SYT16: variants seen among roughly 807,000 people sequenced by gnomAD.
SYT16 encodes synaptotagmin-16.
A neutral mutation model predicts 61.4 loss-of-function variants in SYT16; 42 were observed. The ratio of observed to expected loss-of-function variants is 0.68; its 90% CI spans 0.53 to 0.89. SYT16 has a LOEUF of 0.89. SYT16 is among the 40% of genes least tolerant of loss of function. SYT16 has a pLI of 0.00. For synonymous variants in SYT16, 314 were observed against 302.3 expected (o/e 1.04, Z -0.40); for missense variants, 804 against 807.3 (o/e 1.00, Z 0.05).
intron 1 of SYT16, among the ~76,000 whole-genome samples, chr14:61,955,938 C>T (rs530825831): frequency 1.3e-5 from 2 of 152,092 alleles, no homozygotes; most frequent in East Asian, 3.9e-4. Flanking sequence ...TTCTTCATAT[C>T]CTCCCCAACA....
chr14:62,004,079 T>C (rs1344213473), intron 3 of SYT16, among the ~76,000 whole-genome samples: 2 of 152,170 alleles, frequency 1.3e-5, no homozygotes, highest in African/African-American at 2.4e-5. Flanking sequence ...TATTAGTCCA[T>C]TTTCACACTG....
intron 3 of SYT16, among the ~76,000 whole-genome samples, chr14:62,036,601 A>G (rs573926195): frequency 6.4e-4 from 97 of 152,260 alleles, no homozygotes; most frequent in African/African-American, 2.3e-3. Context: ...CCACATGGCT[A>G]GGGAGGCCTC....
chr14:62,033,450 A>G (rs1188877241), intron 3 of SYT16, among the ~76,000 whole-genome samples: 1 of 152,158 alleles, frequency 6.6e-6, no homozygotes, highest in African/African-American at 2.4e-5. Context: ...AAAAAAGGAT[A>G]CCTCACTTTT....
chr14:61,933,604 C>G (rs1201329534), intron 1 of SYT16, among the ~76,000 whole-genome samples: 2 of 152,302 alleles, frequency 1.3e-5, no homozygotes, highest in Middle Eastern at 3.4e-3. Context: ...TTTACCTCCT[C>G]TTGCCCTAGT....
At position 61,823,668 on chromosome 14, in the gene SYT16, C is replaced by T. The variant is rs1052065965; in HGVS notation, c.-325+10858C>T. Among the ~76,000 whole-genome samples, 6 of 151,550 alleles carry T rather than the reference C, an allele frequency of 4.0e-5. No individual in the cohort carries two copies. The East Asian group carries it at 5.8e-4, about 15-fold the overall frequency. On this transcript the variant is annotated intron_variant, in intron 1 of 7. Coordinates refer to ENST00000683842, the MANE Select transcript of SYT16 (RefSeq NM_001367656.1). ...TCGGGAGGATGAGGCAGGAGAATCG[C>T]TTGAGCCTGGGAGGTGAAGGTTGCA...
At chr14:62,091,272 A>C (rs1392723235) in intron 7 of SYT16, among the ~76,000 whole-genome samples, 1 of 152,230 alleles carries the variant, frequency 6.6e-6, no homozygotes, top group African/African-American at 2.4e-5. Flanking sequence ...GAGTGAAGGA[A>C]AAATAAAGAT....
At chr14:62,000,400 A>G (rs1197640623) in intron 3 of SYT16, among the ~76,000 whole-genome samples, 1 of 151,800 alleles carries the variant, frequency 6.6e-6, no homozygotes, top group Non-Finnish European at 1.5e-5. Context: ...TCTTTTGATT[A>G]GTGTTGACAT....
chr14:61,862,072 T>A (rs1232276241), intron 1 of SYT16, among the ~76,000 whole-genome samples: 2 of 152,168 alleles, frequency 1.3e-5, no homozygotes, highest in Non-Finnish European at 2.9e-5. Context: ...TGAAGCGCAA[T>A]AAAGTGAGTT....
chr14:61,996,478 C>G lies in SYT16; in HGVS notation c.459C>G (p.Gly153=). The change falls in exon 3 of 8, where the codon GGC becomes GGG. Residue 153 remains glycine (G), a synonymous_variant. Transcript: ENST00000683842. ...EEHHLEKQRS[G]LQHGFDSQLP... ...ATCACCTTGAAAAGCAAAGAAGTGG[C>G]CTTCAACATGGCTTTGACAGCCAGC... 1 of 1,613,174 alleles carries G rather than the reference C, an allele frequency of 6.2e-7. No homozygotes were observed. Among genetic ancestry groups the G allele is most frequent in the Non-Finnish European group, 8.5e-7 (1 of 1,179,440 alleles).
chr14:61,931,870 T>G (rs369254192), intron 1 of SYT16, among the ~76,000 whole-genome samples: 6 of 152,352 alleles, frequency 3.9e-5, no homozygotes, highest in African/African-American at 1.4e-4. Context: ...ATTCTTTAAG[T>G]GTCATAACTG....
intron 1 of SYT16, among the ~76,000 whole-genome samples, chr14:61,876,513 GC>G (rs1354897470): frequency 6.6e-6 from 1 of 152,216 alleles, no homozygotes; most frequent in Non-Finnish European, 1.5e-5. Flanking sequence ...GAGACACAAA[GC>G]AGAAAACAAA....
chr14:62,107,786 G>A lies in SYT16; in HGVS notation c.*7079G>A, dbSNP rs1019492494. On this transcript the variant is annotated 3_prime_UTR_variant, in exon 8 of 8. Transcript: ENST00000683842. ...AAATGGATATGTTTTGTATCTGGGGGAGGAAATGCATCATTCCATTCCAGC... is the reference window on the plus strand; with the variant it reads ...AAATGGATATGTTTTGTATCTGGGGAAGGAAATGCATCATTCCATTCCAGC... The A allele has an allele frequency of 1.3e-5, 2 of 152,154 alleles. No homozygotes were observed. The highest frequency in any genetic ancestry group is 2.1e-4 in the South Asian group (1 of 4,828). 9.4% of individuals were successfully genotyped at this position (152,154 alleles called of 1,614,324 possible).
chr14:61,928,455 T>C (rs1441216124), intron 1 of SYT16, among the ~76,000 whole-genome samples: 1 of 152,220 alleles, frequency 6.6e-6, no homozygotes, highest in Non-Finnish European at 1.5e-5. Flanking sequence ...TTGAGCTAAG[T>C]GAGCTTATGT....
intron 1 of SYT16, among the ~76,000 whole-genome samples, chr14:61,869,617 T>C (rs1234062133): frequency 6.6e-6 from 1 of 152,208 alleles, no homozygotes; most frequent in Non-Finnish European, 1.5e-5. Context: ...GTGGACTGAA[T>C]GTTTGTATCC....
At chr14:62,042,105 AATTG>A (rs2140851513) in intron 3 of SYT16, among the ~76,000 whole-genome samples, 1 of 152,158 alleles carries the variant, frequency 6.6e-6, no homozygotes, top group South Asian at 2.1e-4. Context: ...GCTCCATGTC[AATTG>A]ATTGACTTTC....
At chr14:61,876,972 G>A (rs374954284) in intron 1 of SYT16, among the ~76,000 whole-genome samples, 3 of 152,330 alleles carry the variant, frequency 2.0e-5, no homozygotes, top group South Asian at 2.1e-4. Flanking sequence ...TCCAAACAGA[G>A]CTGAAGGAGA....
At chr14:61,946,267 C>A (rs1312178918) in intron 1 of SYT16, among the ~76,000 whole-genome samples, 1 of 152,150 alleles carries the variant, frequency 6.6e-6, no homozygotes, top group South Asian at 2.1e-4. Flanking sequence ...AAACCATTAT[C>A]TTCAAGGAAA....
At chr14:61,988,743 C>G (rs1385831896) in intron 2 of SYT16, among the ~76,000 whole-genome samples, 2 of 152,148 alleles carry the variant, frequency 1.3e-5, no homozygotes, top group Non-Finnish European at 2.9e-5. Context: ...ATTAGTGAAA[C>G]AGGCAACTGT....
chr14:61,880,160 A>C (rs2047647882), intron 1 of SYT16, among the ~76,000 whole-genome samples: 1 of 152,142 alleles, frequency 6.6e-6, no homozygotes. Flanking sequence ...ATGCATCCTC[A>C]TTTGCCCAGT....
Sources: gnomAD v4.1 joint callset for allele counts (sites outside exome capture counted in the v4.1 genomes callset) on GRCh38, gnomAD v4.1.1 for gene constraint, MANE v1.5 for transcripts, NCBI Gene and HGNC (gene_info 2026-07-23, HGNC 2026-07-21) for gene names.